The following DGCR8 variants were observed in gnomAD, a reference collection of about 807,000 sequenced individuals.
DGCR8 encodes the protein DGCR8 microprocessor complex subunit, also known as microprocessor complex subunit DGCR8.
A neutral mutation model predicts 78.5 loss-of-function variants in DGCR8; 14 were observed. The ratio of observed to expected loss-of-function variants is 0.18; its 90% CI spans 0.12 to 0.28. DGCR8 has a LOEUF of 0.28. DGCR8 is among the 10% of genes least tolerant of loss of function. The pLI, the probability that DGCR8 is intolerant of heterozygous loss-of-function variation, is 1.00. For missense variants in DGCR8, 702 were observed against 1,022.5 expected (o/e 0.69, Z 4.28); for synonymous variants, 399 against 402.4 (o/e 0.99, Z 0.10).
chr22:20,091,351 G>T (rs1401519057), intron 5 of DGCR8, 84 bp from the exon 6 acceptor site: 1 of 1,386,770 alleles, frequency 7.2e-7, no homozygotes. Context: ...ATGTGGCCTG[G>T]GCCTGCCCCA....
intron 7 of DGCR8, 70 bp from the exon 8 acceptor site, chr22:20,092,739 T>C: frequency 7.4e-7 from 1 of 1,359,688 alleles, no homozygotes; most frequent in Non-Finnish European, 1.0e-6. Flanking sequence ...TCTGTCGGTG[T>C]GGGCAGACTG....
intron 12 of DGCR8, 81 bp downstream of exon 12, chr22:20,107,479 G>A: frequency 7.8e-6 from 12 of 1,540,260 alleles, no homozygotes; most frequent in Non-Finnish European, 1.1e-5. Flanking sequence ...CTCAGAGGGG[G>A]CAGAGCTGGG....
At chr22:20,107,568 C>G in intron 12 of DGCR8, 170 bp downstream of exon 12, 1 of 705,906 alleles carries the variant, frequency 1.4e-6, no homozygotes, top group Non-Finnish European at 2.3e-6. Flanking sequence ...GTCGTCCCAG[C>G]TACATCTCCT....
rs2049836092 is a variant in DGCR8, at chr22:20,111,077, T to G, written c.*969T>G. 5.0e-6 allele frequency: 2 copies of G among 397,830 alleles called. No homozygotes were observed. The highest frequency in any genetic ancestry group is 4.1e-5 in the African/African-American group (2 of 48,634). The allele number at this position is 397,830 out of a possible 1,614,324, so 24.6% of individuals were successfully genotyped here. A position where few individuals can be genotyped will look rare whatever the true frequency, so the allele number is the denominator to read the frequency against. On this transcript the variant is annotated 3_prime_UTR_variant, in exon 14 of 14. Transcript: ENST00000351989. Reference sequence around the variant, plus strand: ...AAGCAAGGGCCTTCAGTGTAGCCCATTCTTGATCCAGAGCTGTTGCCTGTG... The same window carrying G: ...AAGCAAGGGCCTTCAGTGTAGCCCAGTCTTGATCCAGAGCTGTTGCCTGTG...
chr22:20,097,087 G>T (rs1278956651), intron 9 of DGCR8, among the ~76,000 whole-genome samples: 1 of 152,018 alleles, frequency 6.6e-6, no homozygotes, highest in Non-Finnish European at 1.5e-5. Flanking sequence ...TTTTGTTAAG[G>T]ATTTTTGCAT....
chr22:20,089,641 T>A lies in DGCR8; in HGVS notation c.881-28T>A, dbSNP rs2049528747. 3.1e-6 allele frequency: 5 copies of A among 1,612,686 alleles called. No individual in the cohort carries two copies. In the South Asian group the frequency reaches 5.5e-5, roughly 18 times the overall value. ...CAATTCCAAGTGTTTTTACAGTGAT[T>A]ATAGGATGTTCTTGTCTTCCTGTGC... On this transcript the variant is annotated intron_variant, in intron 3 of 13. Transcript: ENST00000351989. The surrounding 1 kb of genome is among the most constrained non-coding windows in gnomAD (Gnocchi z 4.9).
chr22:20,108,783 C>CCCTGGGCGCGCCTACCTTGCCAGAA, intron 12 of DGCR8, 107 bp from the exon 13 acceptor site: 1 of 764,088 alleles, frequency 1.3e-6, no homozygotes, highest in Non-Finnish European at 2.4e-6. Flanking sequence ...GTCTGCCAGA[C>CCCTGGGCGCGCCTACCTTGCCAGAA]CCTGGGCGCG....
At chr22:20,102,595 T>G (rs2049716630) in intron 9 of DGCR8, among the ~76,000 whole-genome samples, 1 of 152,162 alleles carries the variant, frequency 6.6e-6, no homozygotes, top group South Asian at 2.1e-4. Flanking sequence ...AGGTGCACGC[T>G]TATGTTAGCA....
At chr22:20,080,869 T>G (rs1490520545) in intron 1 of DGCR8, among the ~76,000 whole-genome samples, 1 of 152,278 alleles carries the variant, frequency 6.6e-6, no homozygotes, top group African/African-American at 2.4e-5. Flanking sequence ...TGGCAACCTG[T>G]TGACAGTGAT....
chr22:20,080,555 G>A, intron 1 of DGCR8, 172 bp downstream of exon 1: 4 of 910,918 alleles, frequency 4.4e-6, no homozygotes, highest in Non-Finnish European at 5.3e-6. Context: ...AGAGCGCGGG[G>A]TGGGGACGCC....
chr22:20,106,170 G>A lies in DGCR8; in HGVS notation c.1789-7G>A, dbSNP rs1162408819. The A allele has an allele frequency of 1.9e-6, 3 of 1,613,650 alleles. No homozygotes were observed. The South Asian group carries it at 3.3e-5, about 18-fold the overall frequency. ...GGGGACTCACAAGCCTCTGCTTTGT[G>A]TTGTAGTATTTTAACCACATCAGCA... On this transcript the variant is annotated splice_polypyrimidine_tract_variant and splice_region_variant and intron_variant, in intron 9 of 13. Transcript: ENST00000351989.
intron 13 of DGCR8, 44 bp from the exon 14 acceptor site, chr22:20,109,981 C>G: frequency 6.3e-7 from 1 of 1,599,924 alleles, no homozygotes. Flanking sequence ...GAGCCTCTGC[C>G]AAGCCCACCT....
In DGCR8 at chr22:20,111,706, G is replaced by GCCACCCCCCCC. The variant is rs2049850334; in HGVS notation, c.*1600_*1601insACCCCCCCCCC. On this transcript the variant is annotated 3_prime_UTR_variant, in exon 14 of 14. Transcript: ENST00000351989. ...TGCCATACTCTTGTGGTCTCTGTGC[G>GCCACCCCCCCC]CCCCCCCCCCCCCCCCACCCGTCTG... The GCCACCCCCCCC allele has an allele frequency of 1.6e-5, 1 of 63,028 alleles. No individual in the cohort carries two copies. Among genetic ancestry groups the GCCACCCCCCCC allele is most frequent in the African/African-American group, 8.7e-5 (1 of 11,454 alleles). The allele number at this position is 63,028 out of a possible 1,614,324, so 3.9% of individuals were successfully genotyped here.
At position 20,089,826 on chromosome 22, in the gene DGCR8, A is replaced by G. The variant is rs550840377; in HGVS notation, c.1023+15A>G. 1 of 1,613,434 alleles carries G rather than the reference A, an allele frequency of 6.2e-7. No homozygotes were observed. The highest frequency in any genetic ancestry group is 1.1e-5 in the South Asian group (1 of 91,048). ...GAAGCATACGGGTAGGGGAGGCATCAGTCGTGACTTTAGGCTTGTAAGTTC... is the reference window on the plus strand; with the variant it reads ...GAAGCATACGGGTAGGGGAGGCATCGGTCGTGACTTTAGGCTTGTAAGTTC... On this transcript the variant is annotated intron_variant, in intron 4 of 13. Transcript: ENST00000351989. This position sits in a 1 kb window ranked among gnomAD's most constrained non-coding sequence, Gnocchi z 4.9.
intron 1 of DGCR8, among the ~76,000 whole-genome samples, chr22:20,082,529 G>A (rs1250652036): frequency 1.3e-5 from 2 of 151,788 alleles, no homozygotes; most frequent in African/African-American, 2.4e-5. Flanking sequence ...CACCACACTC[G>A]GCTAATTTTT....
At chr22:20,101,888 C>T (rs2049706516) in intron 9 of DGCR8, 1 of 985,110 alleles carries the variant, frequency 1.0e-6, no homozygotes, top group Admixed American at 6.2e-5. Context: ...GTTGACATGT[C>T]AGGAGGGGCG....
chr22:20,098,806 C>T (rs1333404832), intron 9 of DGCR8, among the ~76,000 whole-genome samples: 3 of 152,202 alleles, frequency 2.0e-5, no homozygotes, highest in African/African-American at 7.2e-5. Context: ...ACACCTGTCT[C>T]ACTGGATTAG....
At chr22:20,108,501 G>T in intron 12 of DGCR8, 1 of 219,316 alleles carries the variant, frequency 4.6e-6, no homozygotes, top group Non-Finnish European at 9.3e-6. Context: ...AGAGCTCAGT[G>T]CCTGAGGCTG....
At chr22:20,109,771 C>T (rs1001424643) in intron 13 of DGCR8, among the ~76,000 whole-genome samples, 4 of 152,246 alleles carry the variant, frequency 2.6e-5, no homozygotes, top group Non-Finnish European at 5.9e-5. Context: ...TTCTTCACTT[C>T]TTGGTACATG....
Sources: allele counts gnomAD v4.1 joint callset (sites outside exome capture counted in the v4.1 genomes callset), GRCh38; gene constraint gnomAD v4.1.1; non-coding constraint Gnocchi (gnomAD v3.1); transcripts MANE v1.5; gene names NCBI Gene and HGNC (gene_info 2026-07-23, HGNC 2026-07-21).